Variants in KCNN3 observed in about 807,000 individuals in gnomAD.
KCNN3 encodes small conductance calcium-activated potassium channel protein 3.
KCNN3 carries 16 observed loss-of-function variants against 62.9 expected under a neutral mutation model. That is an observed-to-expected ratio of 0.25 (90% confidence interval 0.17 to 0.39). The LOEUF is 0.39. Ranked by LOEUF, KCNN3 falls within the 10% of genes least tolerant of loss-of-function variation. The pLI is 1.00. For missense variants in KCNN3, 599 were observed against 949.4 expected, an observed-to-expected ratio of 0.63 and a Z score of 4.85; for synonymous variants, 370 against 389.2, an observed-to-expected ratio of 0.95 and a Z score of 0.58.
At position 154,869,424 on chromosome 1, in the gene KCNN3, T is replaced by G; in HGVS notation, c.541A>C (p.Ser181Arg). 1.9e-6 allele frequency: 3 copies of G among 1,614,040 alleles called. No individual in the cohort carries two copies. Among genetic ancestry groups the G allele is most frequent in the Admixed American group, 1.7e-5 (1 of 60,022 alleles). The change falls in exon 1 of 8, where the codon AGC becomes CGC. Residue 181 changes from serine (S) to arginine (R), a missense_variant. This residue lies in a region of KCNN3 where 112 missense variants were observed against 142.9 expected (regional missense o/e 0.78). Coordinates refer to ENST00000271915, the MANE Select transcript of KCNN3 (RefSeq NM_002249.6). This position sits in a 1 kb window ranked among gnomAD's most constrained non-coding sequence, Gnocchi z 6.1. ...CTGAGGGGCTTCATGACCCCACCGC[T>G]ATACTTGCAGGAGCTCATGGCGATC... is the stretch of plus-strand genomic sequence containing the variant. ...TEIAMSSCKY[S>R]GGVMKPLSRL...
intron 3 of KCNN3, among the ~76,000 whole-genome samples, chr1:154,735,986 C>T (rs1319143583): frequency 6.6e-6 from 1 of 152,172 alleles, no homozygotes; most frequent in African/African-American, 2.4e-5. Context: ...TCAGTTCTTC[C>T]GAAAAACATT....
chr1:154,737,137 T>C (rs895579983), intron 3 of KCNN3: 4 of 603,738 alleles, frequency 6.6e-6, no homozygotes. Context: ...CTATTCACAA[T>C]TTTAGAGCGG....
intron 3 of KCNN3, among the ~76,000 whole-genome samples, chr1:154,770,345 G>A (rs780350511): frequency 1.3e-5 from 2 of 152,216 alleles, no homozygotes; most frequent in Non-Finnish European, 2.9e-5. Flanking sequence ...TGGCCAAAAC[G>A]CTGAAAGAAA....
rs1699839053 is a variant in KCNN3 at position 154,700,840 on chromosome 1, C to A, written c.*7136G>T. The A allele has an allele frequency of 6.6e-6, 1 of 151,920 alleles. No homozygotes were observed. Among genetic ancestry groups the A allele is most frequent in the Admixed American group, 6.6e-5 (1 of 15,252 alleles). 9.4% of individuals were successfully genotyped at this position (151,920 alleles called of 1,614,324 possible). A position where few individuals can be genotyped will look rare whatever the true frequency, so the allele number is the denominator to read the frequency against. Reference sequence around the variant, plus strand: ...ATAATAATTTTAAAAAAGAAAAAATCATTTAGTAGCAAAAAAAAGTGAAGA... The same window carrying A: ...ATAATAATTTTAAAAAAGAAAAAATAATTTAGTAGCAAAAAAAAGTGAAGA... On this transcript the variant is annotated 3_prime_UTR_variant, in exon 8 of 8. Coordinates refer to ENST00000271915, the MANE Select transcript of KCNN3 (RefSeq NM_002249.6).
At chr1:154,782,941 G>A (rs993297186) in intron 2 of KCNN3, among the ~76,000 whole-genome samples, 11 of 152,208 alleles carry the variant, frequency 7.2e-5, no homozygotes, top group African/African-American at 1.9e-4. Flanking sequence ...GGCTGGGCGC[G>A]GAGGCTCACG....
intron 2 of KCNN3, among the ~76,000 whole-genome samples, chr1:154,775,002 T>G (rs954341849): frequency 2.6e-5 from 4 of 152,264 alleles, no homozygotes; most frequent in Non-Finnish European, 5.9e-5. Context: ...ACAGAGAGAC[T>G]GGATCAGCGT....
intron 7 of KCNN3, among the ~76,000 whole-genome samples, chr1:154,710,230 G>A (rs553459586): frequency 1.3e-5 from 2 of 152,264 alleles, no homozygotes; most frequent in African/African-American, 4.8e-5. Context: ...GTGGGAAGGC[G>A]CTGACTTGGG....
At chr1:154,845,294 T>C (rs1306003363) in intron 1 of KCNN3, among the ~76,000 whole-genome samples, 1 of 152,132 alleles carries the variant, frequency 6.6e-6, no homozygotes, top group East Asian at 1.9e-4. Flanking sequence ...TCCTGCCAAC[T>C]CCTCAGCATC....
chr1:154,836,975 C>T (rs56273228), intron 1 of KCNN3, among the ~76,000 whole-genome samples: 2,448 of 152,340 alleles, frequency 0.016, 58 homozygotes, highest in African/African-American at 0.056. Flanking sequence ...TGCAAAATCA[C>T]TTCCCTGCAG....
intron 5 of KCNN3, among the ~76,000 whole-genome samples, chr1:154,721,515 A>C (rs1332344387): frequency 6.6e-6 from 1 of 151,898 alleles, no homozygotes; most frequent in Non-Finnish European, 1.5e-5. Flanking sequence ...TCGCCAGGCT[A>C]GTCTTGAACT....
In KCNN3 at chr1:154,811,377, A is replaced by T. The variant is rs1650402081; in HGVS notation, c.1029+10712T>A. On this transcript the variant is annotated intron_variant, in intron 2 of 7. Transcript: ENST00000271915. ...ATAAGGATACAAATATATATATAAGAATATAATTAGACAATTAACGTCACT... is the reference window on the plus strand; with the variant it reads ...ATAAGGATACAAATATATATATAAGTATATAATTAGACAATTAACGTCACT... Among the ~76,000 whole-genome samples, 4 of 152,252 alleles carry T rather than the reference A, an allele frequency of 2.6e-5. No individual in the cohort carries two copies. The South Asian group carries it at 8.3e-4, about 32-fold the overall frequency.
chr1:154,709,518 G>A (rs990031312), intron 7 of KCNN3, among the ~76,000 whole-genome samples: 3 of 152,150 alleles, frequency 2.0e-5, no homozygotes, highest in Non-Finnish European at 4.4e-5. Context: ...AAAAAGAAGA[G>A]TAAAAGAAGA....
chr1:154,786,552 T>C (rs1331025005), intron 2 of KCNN3, among the ~76,000 whole-genome samples: 1 of 152,202 alleles, frequency 6.6e-6, no homozygotes, highest in Non-Finnish European at 1.5e-5. Flanking sequence ...TACAGCATAA[T>C]GGGTATAGTG....
chr1:154,763,659 T>C (rs892986993), intron 3 of KCNN3, among the ~76,000 whole-genome samples: 1 of 152,222 alleles, frequency 6.6e-6, no homozygotes, highest in African/African-American at 2.4e-5. Flanking sequence ...GAATTCTCTG[T>C]TGTAATTGAG....
intron 2 of KCNN3, among the ~76,000 whole-genome samples, chr1:154,780,486 A>C (rs1648991747): frequency 6.7e-6 from 1 of 150,216 alleles, no homozygotes; most frequent in Non-Finnish European, 1.5e-5. Context: ...TGTGGGGAGA[A>C]GAACTTCCGG....
rs1180323345 is a variant in KCNN3, at chr1:154,737,064, AG to A, written c.1449-3921del. On this transcript the variant is annotated intron_variant, in intron 3 of 7. Transcript: ENST00000271915. ...CTCACCAAGCAGGAAGTGATGAGCC[AG>A]AAGGCTGGGCTGGTGATTCAGGACT... 82 of 702,386 alleles carry A rather than the reference AG, an allele frequency of 1.2e-4. No individual in the cohort carries two copies. The highest frequency in any genetic ancestry group is 1.8e-4 in the Admixed American group (9 of 50,008). 43.5% of individuals were successfully genotyped at this position (702,386 alleles called of 1,614,324 possible).
At chr1:154,727,278 C>T (rs1310216867) in intron 4 of KCNN3, among the ~76,000 whole-genome samples, 1 of 152,234 alleles carries the variant, frequency 6.6e-6, no homozygotes, top group African/African-American at 2.4e-5. Context: ...CCCAGTCTAG[C>T]AGTTGAGGTC....
At chr1:154,740,818 T>A (rs1700809359) in intron 3 of KCNN3, among the ~76,000 whole-genome samples, 1 of 152,268 alleles carries the variant, frequency 6.6e-6, no homozygotes, top group African/African-American at 2.4e-5. Flanking sequence ...TTGTCCACTT[T>A]TCTATTGGCT....
Position 154,790,478 on chromosome 1 carries a change from A to C in KCNN3, c.1030-18085T>G, listed in dbSNP as rs557154064. ...ACATTTGAGCAAAATCATCTATCAC[A>C]AAGCCTATTTTATAATAAAGCATTG... On this transcript the variant is annotated intron_variant, in intron 2 of 7. Coordinates refer to ENST00000271915, the MANE Select transcript of KCNN3 (RefSeq NM_002249.6). Among the ~76,000 whole-genome samples the C allele has an allele frequency of 3.0e-4, 45 of 152,350 alleles. 1 individual carries two copies. In the South Asian group the frequency reaches 9.3e-3, roughly 32 times the overall value.
Sources: allele counts gnomAD v4.1 joint callset (sites outside exome capture counted in the v4.1 genomes callset), GRCh38; gene constraint gnomAD v4.1.1; regional missense constraint gnomAD v4.1.1; non-coding constraint Gnocchi (gnomAD v3.1); transcripts MANE v1.5; gene names NCBI Gene and HGNC (gene_info 2026-07-23, HGNC 2026-07-21).